PARD3B: variants seen among roughly 807,000 people sequenced by gnomAD.
The protein encoded by PARD3B is partitioning defective 3 homolog B.
A neutral mutation model predicts 130.2 loss-of-function variants in PARD3B; 103 were observed. The observed-to-expected ratio is 0.79, with a 90% CI of 0.67 to 0.93. The LOEUF is 0.93. Among genes scored for constraint, PARD3B ranks in the 40% least tolerant of loss-of-function variants. The pLI is 0.00. For synonymous variants in PARD3B, 583 were observed against 553.2 expected (o/e 1.05, Z -0.76); for missense variants, 1,609 against 1,499.2 (o/e 1.07, Z -1.21).
At chr2:204,891,176 A>C (rs2046431021) in intron 2 of PARD3B, among the ~76,000 whole-genome samples, 1 of 149,916 alleles carries the variant, frequency 6.7e-6, no homozygotes, top group African/African-American at 2.5e-5. Flanking sequence ...GTTTTCTCTT[A>C]AGTCCTTTTC....
chr2:205,289,744 A>G (rs2041532452), intron 16 of PARD3B, among the ~76,000 whole-genome samples: 2 of 152,160 alleles, frequency 1.3e-5, no homozygotes, highest in Admixed American at 1.3e-4. Flanking sequence ...GGATTGATGG[A>G]TTAATGGGTT....
chr2:204,648,652 A>T (rs1428444384), intron 1 of PARD3B, among the ~76,000 whole-genome samples: 1 of 114,670 alleles, frequency 8.7e-6, no homozygotes, highest in African/African-American at 3.5e-5. Context: ...TTATATATAT[A>T]ATATATTTAT....
intron 20 of PARD3B, among the ~76,000 whole-genome samples, chr2:205,491,477 T>C (rs2049707970): frequency 6.6e-6 from 1 of 152,228 alleles, no homozygotes; most frequent in African/African-American, 2.4e-5. Flanking sequence ...ATCTCTGTTT[T>C]GGTACCAGTA....
intron 3 of PARD3B, among the ~76,000 whole-genome samples, chr2:205,035,820 T>TATATATATATATATATATATAGTGGG (rs1491091922): frequency 0.013 from 30 of 2,290 alleles, 2 homozygotes; most frequent in Middle Eastern, 0.25. Flanking sequence ...TATATATATA[T>TATATATATATATATATATATAGTGGG]CTATATATCT....
Position 205,458,284 on chromosome 2 carries a change from T to TTGTCTTCCTCC in PARD3B, c.3044+17614_3044+17624dup. Among the ~76,000 whole-genome samples, 1 of 152,264 alleles carries TTGTCTTCCTCC rather than the reference T, an allele frequency of 6.6e-6. No homozygotes were observed. Among genetic ancestry groups the TTGTCTTCCTCC allele is most frequent in the Non-Finnish European group, 1.5e-5 (1 of 68,002 alleles). On this transcript the variant is annotated intron_variant, in intron 20 of 22. Coordinates refer to ENST00000406610, the MANE Select transcript of PARD3B (RefSeq NM_001302769.2). The surrounding 1 kb of genome is among the most constrained non-coding windows in gnomAD (Gnocchi z 4.8). ...TCCTCTTCCTCTCCTCTTCTTCCTCTTGTCTTCCTCCTCGTCTTCCATTTT... is the reference window on the plus strand; with the variant it reads ...TCCTCTTCCTCTCCTCTTCTTCCTCTTGTCTTCCTCCTGTCTTCCTCCTCGTCTTCCATTTT...
rs1234124581 is a variant in PARD3B at position 205,615,811 on chromosome 2, T to C, written c.3616T>C (p.Ter1206GlnextTer22). The C allele has an allele frequency of 1.2e-5, 20 of 1,610,244 alleles. No individual in the cohort carries two copies. The highest frequency in any genetic ancestry group is 1.7e-5 in the Non-Finnish European group (20 of 1,177,800). Residue 1206 changes from the stop codon to glutamine, a stop_lost, in exon 23 of 23, where the codon TAG becomes CAG. Transcript: ENST00000406610. The stretch of plus-strand genomic sequence containing the variant: ...GAAGAACCCCATGACTGCAGCCGTA[T>C]AGCTGAGTGCCACCGAGGCCAGCCC... ...RQKNPMTAAV[*>Q]
At chr2:204,731,960 T>C (rs2039528146) in intron 2 of PARD3B, among the ~76,000 whole-genome samples, 1 of 152,104 alleles carries the variant, frequency 6.6e-6, no homozygotes, top group Non-Finnish European at 1.5e-5. Flanking sequence ...TCCCTTTTCA[T>C]TAGGGAAGGG....
chr2:204,630,614 T>G (rs1250177107), intron 1 of PARD3B, among the ~76,000 whole-genome samples: 1 of 152,194 alleles, frequency 6.6e-6, no homozygotes, highest in Admixed American at 6.5e-5. Context: ...TGTCTTTTAG[T>G]GGTAAAATGG....
intron 21 of PARD3B, among the ~76,000 whole-genome samples, chr2:205,521,547 AT>A (rs2051056864): frequency 1.6e-5 from 2 of 122,742 alleles, no homozygotes; most frequent in Non-Finnish European, 3.4e-5. Flanking sequence ...CAAGATGATT[AT>A]ATGATTTTTT....
intron 18 of PARD3B, among the ~76,000 whole-genome samples, chr2:205,335,569 T>G (rs2043282102): frequency 6.6e-6 from 1 of 152,114 alleles, no homozygotes; most frequent in Non-Finnish European, 1.5e-5. Flanking sequence ...TGGATCATCT[T>G]GCAGAGCCAC....
chr2:205,371,575 C>T (rs1461644203), intron 18 of PARD3B, among the ~76,000 whole-genome samples: 2 of 152,132 alleles, frequency 1.3e-5, no homozygotes, highest in Admixed American at 6.5e-5. Flanking sequence ...GGATTATCCT[C>T]CAGAGAAAAT....
Position 204,871,863 on chromosome 2 carries a change from G to A in PARD3B, c.223-93289G>A, listed in dbSNP as rs75953450. Reference sequence around the variant, plus strand: ...CTTCATCTACTTGTGGCATTAAGTAGATTAAAACCCAATTTTAAAGCTTTC... The same window carrying A: ...CTTCATCTACTTGTGGCATTAAGTAAATTAAAACCCAATTTTAAAGCTTTC... On this transcript the variant is annotated intron_variant, in intron 2 of 22. Transcript: ENST00000406610. Among the ~76,000 whole-genome samples, 571 of 152,132 alleles carry A rather than the reference G, an allele frequency of 3.8e-3. 5 individuals carry two copies. The highest frequency in any genetic ancestry group is 0.013 in the African/African-American group (532 of 41,536).
intron 21 of PARD3B, 100 bp downstream of exon 21, chr2:205,500,131 T>C: frequency 7.5e-7 from 1 of 1,340,350 alleles, no homozygotes; most frequent in East Asian, 2.4e-5. Context: ...CCAGATTCTA[T>C]TTAGGTTTCT....
At chr2:205,381,602 G>A (rs1234329387) in intron 18 of PARD3B, among the ~76,000 whole-genome samples, 2 of 151,858 alleles carry the variant, frequency 1.3e-5, no homozygotes, top group Non-Finnish European at 2.9e-5. Context: ...TCCAGCTAGC[G>A]TTAATGCCAG....
In PARD3B at chr2:205,288,948, T is replaced by C. The variant is rs1052762151; in HGVS notation, c.2186-11582T>C. Among the ~76,000 whole-genome samples, 13 of 152,222 alleles carry C rather than the reference T, an allele frequency of 8.5e-5. No individual in the cohort carries two copies. The highest frequency in any genetic ancestry group is 6.5e-5 in the Admixed American group (1 of 15,286). ...TTGGTACGTGGTTTGCAGAGATACC[T>C]GCTGGCCAGTGATCCCAAAAGTCCA... On this transcript the variant is annotated intron_variant, in intron 16 of 22. Transcript: ENST00000406610. The surrounding 1 kb of genome is among the most constrained non-coding windows in gnomAD (Gnocchi z 4.0).
intron 3 of PARD3B, among the ~76,000 whole-genome samples, chr2:204,996,593 T>C (rs1182993484): frequency 6.1e-4 from 93 of 151,318 alleles, no homozygotes; most frequent in East Asian, 1.8e-3. Flanking sequence ...CCTCCTTGAG[T>C]TGTGGTGGGC....
chr2:204,995,162 T>G (rs1694050694), intron 3 of PARD3B, among the ~76,000 whole-genome samples: 1 of 152,200 alleles, frequency 6.6e-6, no homozygotes, highest in African/African-American at 2.4e-5. Flanking sequence ...GTTGATGCAG[T>G]TTCTTCCTAG....
intron 1 of PARD3B, among the ~76,000 whole-genome samples, chr2:204,562,960 T>G (rs796403571): frequency 8.5e-5 from 13 of 152,314 alleles, no homozygotes; most frequent in African/African-American, 3.1e-4. Flanking sequence ...TCCCTCACTC[T>G]ATCGCTCTGT....
chr2:204,965,292 G>A lies in PARD3B; in HGVS notation c.363G>A (p.Glu121=). The change falls in exon 3 of 23, where the codon GAG becomes GAA. Residue 121 remains glutamate, a synonymous_variant. Coordinates refer to ENST00000406610, the MANE Select transcript of PARD3B (RefSeq NM_001302769.2). ...CCGCATTTAAGCCAATTGGTGGGGA[G>A]ATTGAAGTAACCCCTTCTGCTCTAA... The part of the protein sequence containing the change: ...QLAAFKPIGG[E]IEVTPSALKL... 6.2e-7 allele frequency: 1 copy of A among 1,613,884 alleles called. No homozygotes were observed. The highest frequency in any genetic ancestry group is 8.5e-7 in the Non-Finnish European group (1 of 1,179,874).
Sources: allele counts gnomAD v4.1 joint callset (sites outside exome capture counted in the v4.1 genomes callset), GRCh38; gene constraint gnomAD v4.1.1; non-coding constraint Gnocchi (gnomAD v3.1); transcripts MANE v1.5; gene names NCBI Gene and HGNC (gene_info 2026-07-23, HGNC 2026-07-21).